PRKDC: variants seen among roughly 807,000 people sequenced by gnomAD.
PRKDC encodes the protein protein kinase, DNA-activated, catalytic subunit, also known as DNA-dependent protein kinase catalytic subunit.
A neutral mutation model predicts 486.9 loss-of-function variants in PRKDC; 82 were observed. The observed-to-expected ratio is 0.17, with a 90% CI of 0.14 to 0.20. PRKDC has a LOEUF of 0.20. Among genes scored for constraint, PRKDC ranks in the 10% least tolerant of loss-of-function variants. PRKDC has a pLI of 1.00. For missense variants in PRKDC, 4,504 were observed against 5,038.2 expected (o/e 0.89, Z 3.21); for synonymous variants, 1,895 against 1,837.0 (o/e 1.03, Z -0.81).
intron 67 of PRKDC, among the ~76,000 whole-genome samples, chr8:47,818,415 T>C (rs2087501161): frequency 6.6e-6 from 1 of 151,490 alleles, no homozygotes; most frequent in South Asian, 2.1e-4. Flanking sequence ...CCATCTCTAC[T>C]AAAAATACAA....
At chr8:47,795,638 C>T (rs2154498042) in intron 73 of PRKDC, among the ~76,000 whole-genome samples, 1 of 151,858 alleles carries the variant, frequency 6.6e-6, no homozygotes, top group East Asian at 2.0e-4. Context: ...GGATTACAAA[C>T]ACTCGTCACC....
intron 40 of PRKDC, among the ~76,000 whole-genome samples, chr8:47,867,062 C>T (rs1304852678): frequency 2.0e-5 from 3 of 152,106 alleles, no homozygotes; most frequent in South Asian, 2.1e-4. Context: ...TGTTTAACAG[C>T]AAAAGATTGA....
rs562542456 is a variant in PRKDC at position 47,889,135 on chromosome 8, C to T, written c.4159G>A (p.Gly1387Arg). The T allele has an allele frequency of 1.1e-5, 18 of 1,613,994 alleles. No individual in the cohort carries two copies. Among genetic ancestry groups the T allele is most frequent in the South Asian group, 4.4e-5 (4 of 91,084 alleles). ...AGATGAGCCATAACCTGGACGTCTC[C>T]GATGTTGAAACCTATGCTTGCGGGC... ...CEPASIGFNI[G>R]DVQVMAHLPD... Residue 1387 changes from glycine to arginine, a missense_variant, in exon 33 of 86, where the codon GGA (glycine) becomes AGA (arginine). By Grantham distance (125) the Gly-to-Arg change is moderately radical (BLOSUM62 -2). This residue lies in a region of PRKDC where 1,969 missense variants were observed against 2,068.9 expected (regional missense o/e 0.95). Coordinates refer to ENST00000314191, the MANE Select transcript of PRKDC (RefSeq NM_006904.7).
chr8:47,934,193 C>A (rs2090307416), intron 14 of PRKDC, 103 bp from the exon 15 acceptor site: 6 of 1,301,262 alleles, frequency 4.6e-6, no homozygotes, highest in East Asian at 2.4e-5. Flanking sequence ...TAAACTGCCA[C>A]CCATAGGAGA....
chr8:47,913,859 C>G (rs909162907), intron 24 of PRKDC, 42 bp downstream of exon 24: 2 of 1,524,070 alleles, frequency 1.3e-6, no homozygotes, highest in African/African-American at 2.8e-5. Flanking sequence ...ATTTTTAAAG[C>G]AATAGGATCT....
intron 40 of PRKDC, among the ~76,000 whole-genome samples, chr8:47,874,629 T>G (rs2089049159): frequency 6.6e-6 from 1 of 151,394 alleles, no homozygotes; most frequent in South Asian, 2.1e-4. Context: ...TGTGGTGGTG[T>G]GTGCCTGTAG....
Position 47,935,756 on chromosome 8 carries a change from G to A in PRKDC, c.1423C>T (p.Leu475Phe). 6.2e-7 allele frequency: 1 copy of A among 1,613,844 alleles called. No individual in the cohort carries two copies. Among genetic ancestry groups the A allele is most frequent in the South Asian group, 1.1e-5 (1 of 91,066 alleles). Residue 475 changes from leucine (L) to phenylalanine (F), a missense_variant, in exon 13 of 86, where the codon CTC becomes TTC. Coordinates refer to ENST00000314191, the MANE Select transcript of PRKDC (RefSeq NM_006904.7). Reference protein sequence around the residue: ...FLALAAKGPVLRNCISTVVHQ... With the variant: ...FLALAAKGPVFRNCISTVVHQ... The stretch of plus-strand genomic sequence containing the variant: ...CCCACAGTACTAATGCAATTCCTGA[G>A]AACTGGCCCTTTTGCTGCCAAAGCT...
Position 47,803,301 on chromosome 8 carries a change from C to G in PRKDC, c.9922+5G>C. ...GATATAAGTGGATAAAAGCGGTCAA[C>G]TTACCCAACAAAGAGACTGTTTTCA... is the stretch of plus-strand genomic sequence containing the variant. On this transcript the variant is annotated splice_donor_5th_base_variant and intron_variant, in intron 70 of 85. Transcript: ENST00000314191. The G allele has an allele frequency of 6.2e-7, 1 of 1,602,466 alleles. No individual in the cohort carries two copies. Among genetic ancestry groups the G allele is most frequent in the Non-Finnish European group, 8.5e-7 (1 of 1,174,614 alleles).
chr8:47,815,308 A>G, intron 68 of PRKDC, among the ~76,000 whole-genome samples: 1 of 152,232 alleles, frequency 6.6e-6, no homozygotes, highest in East Asian at 1.9e-4. Context: ...GAGTTTCAAA[A>G]AAATTGCCAA....
Position 47,777,848 on chromosome 8 carries a change from A to C in PRKDC, c.11880T>G (p.Pro3960=). The C allele has an allele frequency of 1.2e-6, 2 of 1,614,038 alleles. No homozygotes were observed. The highest frequency in any genetic ancestry group is 2.2e-5 in the East Asian group (1 of 44,882). The change falls in exon 84 of 86, where the codon CCT becomes CCG. Residue 3960 remains proline, a synonymous_variant. Coordinates refer to ENST00000314191, the MANE Select transcript of PRKDC (RefSeq NM_006904.7). ...TQFLPVPELM[P]FRLTRQFINL... is the part of the protein sequence containing the mutation. ...TGATAAACTGGCGAGTTAGCCGAAA[A>C]GGCATCAACTCAGGGACTGGCAGAA...
chr8:47,809,310 C>T (rs1234194908), intron 68 of PRKDC, among the ~76,000 whole-genome samples: 1 of 152,174 alleles, frequency 6.6e-6, no homozygotes, highest in Non-Finnish European at 1.5e-5. Flanking sequence ...AACCACAGTG[C>T]TGGCTCATTC....
At chr8:47,903,162 C>G (rs2089717923) in intron 26 of PRKDC, among the ~76,000 whole-genome samples, 2 of 152,102 alleles carry the variant, frequency 1.3e-5, no homozygotes, top group Admixed American at 1.3e-4. Context: ...TACCCCATAA[C>G]AGCTTTTGAG....
At chr8:47,946,013 C>T (rs1465122694) in intron 7 of PRKDC, among the ~76,000 whole-genome samples, 1 of 152,018 alleles carries the variant, frequency 6.6e-6, no homozygotes, top group Non-Finnish European at 1.5e-5. Context: ...TGAGCCACCA[C>T]GCCCGGCCTA....
intron 40 of PRKDC, among the ~76,000 whole-genome samples, chr8:47,873,987 T>C (rs957185386): frequency 2.7e-5 from 4 of 149,144 alleles, no homozygotes; most frequent in African/African-American, 9.8e-5. Context: ...TTTTGCTATT[T>C]TTTTTTTTTT....
chr8:47,793,563 C>T (rs1487812545), intron 74 of PRKDC, among the ~76,000 whole-genome samples: 4 of 151,326 alleles, frequency 2.6e-5, no homozygotes, highest in African/African-American at 9.7e-5. Flanking sequence ...ACTGCTTAAA[C>T]CTGGGAGGTG....
rs377068026 is a variant in PRKDC, at chr8:47,862,369, C to T, written c.5919+4G>A. On this transcript the variant is annotated splice_donor_region_variant and intron_variant, in intron 43 of 85. Coordinates refer to ENST00000314191, the MANE Select transcript of PRKDC (RefSeq NM_006904.7). ...CAATAGTGCACACCGTAGGAGTGGC[C>T]TACCTTTTCTGGTTTTTCACTAAAC... The T allele has an allele frequency of 1.1e-5, 17 of 1,612,962 alleles. No individual in the cohort carries two copies. In the African/African-American group the frequency reaches 2.3e-4, roughly 22 times the overall value.
At chr8:47,891,048 G>A (rs1181230554) in intron 31 of PRKDC, among the ~76,000 whole-genome samples, 1 of 152,118 alleles carries the variant, frequency 6.6e-6, no homozygotes, top group Non-Finnish European at 1.5e-5. Context: ...ATCCTCAAAC[G>A]GGCTTTGTCA....
chr8:47,899,601 C>T (rs1375163688), intron 28 of PRKDC, among the ~76,000 whole-genome samples: 2 of 152,160 alleles, frequency 1.3e-5, no homozygotes, highest in Admixed American at 6.5e-5. Context: ...TGAGATCGCA[C>T]CACTGCACTC....
At chr8:47,827,429 T>C (rs1220757340) in intron 62 of PRKDC, among the ~76,000 whole-genome samples, 1 of 152,192 alleles carries the variant, frequency 6.6e-6, no homozygotes, top group Non-Finnish European at 1.5e-5. Context: ...TAATCCATAC[T>C]TTGAATGGCA....
Sources: gnomAD v4.1 joint callset for allele counts (sites outside exome capture counted in the v4.1 genomes callset) on GRCh38, gnomAD v4.1.1 for gene constraint, gnomAD v4.1.1 regional missense constraint, MANE v1.5 for transcripts, NCBI Gene and HGNC (gene_info 2026-07-23, HGNC 2026-07-21) for gene names.